The following TENM3 variants were observed in gnomAD, a reference collection of about 807,000 sequenced individuals.
TENM3 encodes the protein teneurin transmembrane protein 3.
Under a neutral mutation model 255.1 loss-of-function variants are expected in TENM3, and 63 were observed. The ratio of observed to expected loss-of-function variants is 0.25; its 90% CI spans 0.20 to 0.30. The LOEUF (loss-of-function observed/expected upper bound fraction) is 0.30, where lower values mean the gene tolerates loss of function less well. TENM3 is among the 10% of genes least tolerant of loss of function. The probability of loss-of-function intolerance (pLI) is 1.00; values close to 1 mark genes in which losing one functional copy is unlikely to be tolerated. For synonymous variants in TENM3, 1,306 were observed against 1,322.3 expected (o/e 0.99, Z 0.27); for missense variants, 2,929 against 3,461.1 (o/e 0.85, Z 3.86).
rs142884284 is a variant in TENM3 at position 182,216,877 on chromosome 4, T to A, written c.-76+72123T>A. On this transcript the variant is annotated intron_variant, in intron 1 of 2. Coordinates refer to the TENM3 transcript ENST00000512480. ...TCTAAACAATGGCAGACTTGCATTC[T>A]ATTAAAGAACTCCATTGATCATTTT... is the stretch of plus-strand genomic sequence containing the variant. 5.9e-5 allele frequency among the ~76,000 whole-genome samples: 9 copies of A among 152,310 alleles called. No individual in the cohort carries two copies. The East Asian group carries it at 1.7e-3, about 29-fold the overall frequency.
chr4:182,212,636 CAA>C (rs1001273073), intron 1 of TENM3, among the ~76,000 whole-genome samples: 10 of 152,348 alleles, frequency 6.6e-5, no homozygotes, highest in Non-Finnish European at 1.3e-4. Context: ...GCTGCCTCCA[CAA>C]AGTCTTCTCA....
At chr4:181,451,751 G>T in the TENM3 span, among the ~76,000 whole-genome samples, 1 of 152,172 alleles carries the variant, frequency 6.6e-6, no homozygotes, top group Non-Finnish European at 1.5e-5. Flanking sequence ...GTTTGAAATG[G>T]ATGCAGAATA....
intron 1 of TENM3, among the ~76,000 whole-genome samples, chr4:182,293,991 G>T (rs998149783): frequency 2.0e-5 from 3 of 152,082 alleles, no homozygotes; most frequent in African/African-American, 7.2e-5. Context: ...TGGGAGGTTG[G>T]GTCTTTCCTG....
chr4:182,161,835 A>ATG (rs1305930643), intron 1 of TENM3, among the ~76,000 whole-genome samples: 3,599 of 39,402 alleles, frequency 0.091, 813 homozygotes, highest in Admixed American at 0.21. Flanking sequence ...ACACATATAT[A>ATG]TGTGTATATA....
intron 12 of TENM3, among the ~76,000 whole-genome samples, chr4:182,706,615 C>T (rs959664654): frequency 2.6e-5 from 4 of 152,162 alleles, no homozygotes; most frequent in African/African-American, 9.7e-5. Flanking sequence ...ACCAAAAGTA[C>T]ATTTGGTCAT....
intron 3 of TENM3, among the ~76,000 whole-genome samples, chr4:182,393,854 T>C (rs1203256361): frequency 6.6e-6 from 1 of 152,188 alleles, no homozygotes; most frequent in Non-Finnish European, 1.5e-5. Context: ...TTCCGTCCAT[T>C]TCTCAAAACT....
chr4:182,353,544 C>T (rs1352626809), intron 3 of TENM3, among the ~76,000 whole-genome samples: 1 of 152,164 alleles, frequency 6.6e-6, no homozygotes, highest in Non-Finnish European at 1.5e-5. Flanking sequence ...ACTACATTGC[C>T]TTGATAGATA....
chr4:181,903,952 A>G, the TENM3 span, among the ~76,000 whole-genome samples: 3 of 152,090 alleles, frequency 2.0e-5, no homozygotes, highest in Admixed American at 1.3e-4. Context: ...CTATAAAACA[A>G]TGATTTCCAT....
intron 1 of TENM3, among the ~76,000 whole-genome samples, chr4:182,182,652 G>C (rs1265988541): frequency 6.6e-6 from 1 of 152,136 alleles, no homozygotes; most frequent in East Asian, 1.9e-4. Context: ...TTTGAACCTA[G>C]ACGCCCTGAG....
intron 4 of TENM3, among the ~76,000 whole-genome samples, chr4:182,625,452 G>T (rs1230974618): frequency 6.6e-6 from 1 of 152,128 alleles, no homozygotes; most frequent in Non-Finnish European, 1.5e-5. Flanking sequence ...GATGATCTGA[G>T]GTGGAAAAGT....
chr4:182,713,954 TC>T (rs1368029454), intron 12 of TENM3, 132 bp from the exon 13 acceptor site: 21 of 682,976 alleles, frequency 3.1e-5, no homozygotes, highest in Non-Finnish European at 4.7e-5. Context: ...CGTTGCTGTT[TC>T]TATCCATGTG....
chr4:182,051,526 T>C, the TENM3 span, among the ~76,000 whole-genome samples: 3 of 151,628 alleles, frequency 2.0e-5, no homozygotes, highest in Admixed American at 6.6e-5. Flanking sequence ...TACAGGCGCC[T>C]GCCACCGCGC....
chr4:182,529,946 G>A (rs574995717), intron 3 of TENM3, among the ~76,000 whole-genome samples: 10 of 152,222 alleles, frequency 6.6e-5, no homozygotes, highest in Non-Finnish European at 1.3e-4. Context: ...ATCCTTGCCA[G>A]TGGGTTTTTA....
chr4:182,477,955 A>T (rs891203217), intron 3 of TENM3, among the ~76,000 whole-genome samples: 20 of 152,262 alleles, frequency 1.3e-4, no homozygotes, highest in African/African-American at 4.8e-4. Context: ...AAGCAGAACA[A>T]ATGTTAATTT....
chr4:181,738,894 C>G, the TENM3 span, among the ~76,000 whole-genome samples: 250 of 152,018 alleles, frequency 1.6e-3, 1 homozygote, highest in African/African-American at 5.7e-3. Flanking sequence ...GTTTGATGGC[C>G]TCACACAAGC....
intron 3 of TENM3, among the ~76,000 whole-genome samples, chr4:182,493,897 T>G (rs190437300): frequency 6.6e-6 from 1 of 152,250 alleles, no homozygotes; most frequent in African/African-American, 2.4e-5. Flanking sequence ...TAATATTGGT[T>G]TTTTAAAAAT....
At chr4:182,716,771 G>C (rs1377136057) in intron 13 of TENM3, among the ~76,000 whole-genome samples, 2 of 152,188 alleles carry the variant, frequency 1.3e-5, no homozygotes, top group African/African-American at 4.8e-5. Context: ...TTTAGGACTA[G>C]ACTGGATTTT....
chr4:182,034,087 C>T, the TENM3 span, among the ~76,000 whole-genome samples: 4 of 152,270 alleles, frequency 2.6e-5, no homozygotes, highest in South Asian at 2.1e-4. Flanking sequence ...GAAGCCAAGG[C>T]GTGTTGTACA....
intron 1 of TENM3, among the ~76,000 whole-genome samples, chr4:182,164,457 T>G (rs1346006394): frequency 6.6e-6 from 1 of 152,206 alleles, no homozygotes; most frequent in East Asian, 1.9e-4. Flanking sequence ...CCAAGCTCCC[T>G]TGGCATCTGG....
Sources: allele counts gnomAD v4.1 joint callset (sites outside exome capture counted in the v4.1 genomes callset), GRCh38; gene constraint gnomAD v4.1.1; transcripts MANE v1.5; gene names NCBI Gene and HGNC (gene_info 2026-07-23, HGNC 2026-07-21).